Variants in S100PBP observed in about 807,000 individuals in gnomAD.
S100PBP encodes S100P-binding protein.
In S100PBP, 15 loss-of-function variants were observed where a neutral mutation model predicts 39.9. The ratio of observed to expected loss-of-function variants is 0.38; its 90% CI spans 0.25 to 0.58. S100PBP has a LOEUF of 0.58. Ranked by LOEUF, S100PBP falls within the 20% of genes least tolerant of loss-of-function variation. The probability of loss-of-function intolerance (pLI) is 0.70; values close to 1 mark genes in which losing one functional copy is unlikely to be tolerated. For missense variants in S100PBP, 504 were observed against 487.3 expected, an observed-to-expected ratio of 1.03 and a Z score of -0.32; for synonymous variants, 178 against 180.3, an observed-to-expected ratio of 0.99 and a Z score of 0.10.
At chr1:32,845,677 C>T (rs1640335374) in intron 5 of S100PBP, among the ~76,000 whole-genome samples, 1 of 149,968 alleles carries the variant, frequency 6.7e-6, no homozygotes, top group East Asian at 1.9e-4. Context: ...GATATGTTTT[C>T]ATTTTCTTTT....
chr1:32,823,818 TATACCTTGATTTGTTGGAAA>T (rs1223940394), intron 1 of S100PBP, among the ~76,000 whole-genome samples: 1 of 152,248 alleles, frequency 6.6e-6, no homozygotes, highest in African/African-American at 2.4e-5. Context: ...GGGCAGGAGC[TATACCTTGATTTGTTGGAAA>T]TCATAAAGAG....
In S100PBP at chr1:32,828,977, G is replaced by A. The variant is rs1490671295; in HGVS notation, c.920+896G>A. ...AGATCATGCCACTGCACACCAGCCT[G>A]GGAGACTGACCTTGTATAAAAAATA... On this transcript the variant is annotated intron_variant, in intron 4 of 6. Coordinates refer to ENST00000373475, the MANE Select transcript of S100PBP (RefSeq NM_022753.4). Among the ~76,000 whole-genome samples, 3 of 152,150 alleles carry A rather than the reference G, an allele frequency of 2.0e-5. No individual in the cohort carries two copies. The East Asian group carries it at 5.8e-4, about 29-fold the overall frequency.
chr1:32,823,348 A>T (rs1557480951), intron 1 of S100PBP, among the ~76,000 whole-genome samples: 1 of 152,262 alleles, frequency 6.6e-6, no homozygotes, highest in Non-Finnish European at 1.5e-5. Context: ...CTTCCTAAAG[A>T]AATGAATAAC....
chr1:32,839,455 C>T lies in S100PBP; in HGVS notation c.1024+9388C>T, dbSNP rs148343850. 2.6e-5 allele frequency among the ~76,000 whole-genome samples: 4 copies of T among 152,290 alleles called. No individual in the cohort carries two copies. In the East Asian group the frequency reaches 5.8e-4, roughly 22 times the overall value. Reference sequence around the variant, plus strand: ...GTTATGCATATGCATCTACACGTATCTTTTTGAGACCCTGCTTGCAATTCT... The same window carrying T: ...GTTATGCATATGCATCTACACGTATTTTTTTGAGACCCTGCTTGCAATTCT... On this transcript the variant is annotated intron_variant, in intron 5 of 6. Transcript: ENST00000373475.
At chr1:32,852,025 G>A (rs1640631182) in intron 5 of S100PBP, among the ~76,000 whole-genome samples, 3 of 152,092 alleles carry the variant, frequency 2.0e-5, no homozygotes, top group Admixed American at 2.0e-4. Flanking sequence ...GTTGAATCCT[G>A]GGTCATCAAG....
chr1:32,829,001 T>G (rs1432171394), intron 4 of S100PBP, among the ~76,000 whole-genome samples: 4 of 152,124 alleles, frequency 2.6e-5, no homozygotes, highest in Non-Finnish European at 5.9e-5. Context: ...GTATAAAAAA[T>G]AAAATAAAAA....
chr1:32,831,980 A>C (rs983768664), intron 5 of S100PBP, among the ~76,000 whole-genome samples: 1 of 152,206 alleles, frequency 6.6e-6, no homozygotes, highest in Non-Finnish European at 1.5e-5. Flanking sequence ...CAGTATTACC[A>C]CAACAATCTA....
Position 32,826,937 on chromosome 1 carries a change from A to G in S100PBP, c.831+7A>G, listed in dbSNP as rs777830737. 9.8e-6 allele frequency: 15 copies of G among 1,535,056 alleles called. No individual in the cohort carries two copies. The highest frequency in any genetic ancestry group is 1.2e-5 in the South Asian group (1 of 82,174). On this transcript the variant is annotated splice_region_variant and intron_variant, in intron 3 of 6. Coordinates refer to ENST00000373475, the MANE Select transcript of S100PBP (RefSeq NM_022753.4). Reference sequence around the variant, plus strand: ...TTCCACCTCATCAAACAAAGTAAGTATATTTTATTCAAGGTGAAGAGAAAA... The same window carrying G: ...TTCCACCTCATCAAACAAAGTAAGTGTATTTTATTCAAGGTGAAGAGAAAA...
chr1:32,833,252 G>A (rs1010485856), intron 5 of S100PBP, among the ~76,000 whole-genome samples: 5 of 152,096 alleles, frequency 3.3e-5, no homozygotes, highest in African/African-American at 7.2e-5. Context: ...TTGTTAGAAC[G>A]TTATTCCTTA....
chr1:32,836,441 GT>G, intron 5 of S100PBP: 1 of 712,790 alleles, frequency 1.4e-6, no homozygotes. Flanking sequence ...TTGTGTTTTT[GT>G]TTTTGTTTGT....
At chr1:32,824,682 C>A (rs1248375511) in intron 1 of S100PBP, among the ~76,000 whole-genome samples, 2 of 151,874 alleles carry the variant, frequency 1.3e-5, no homozygotes, top group African/African-American at 4.8e-5. Context: ...CTCACCTCAG[C>A]CCCATGAGTA....
At chr1:32,819,448 C>T (rs1638940762) in intron 1 of S100PBP, among the ~76,000 whole-genome samples, 1 of 152,096 alleles carries the variant, frequency 6.6e-6, no homozygotes, top group Non-Finnish European at 1.5e-5. Flanking sequence ...GCCTGTAATC[C>T]CAGCTACTGG....
intron 5 of S100PBP, among the ~76,000 whole-genome samples, chr1:32,838,818 G>T (rs558776707): frequency 6.6e-6 from 1 of 151,604 alleles, no homozygotes; most frequent in Non-Finnish European, 1.5e-5. Context: ...ACTTCAGCCT[G>T]GGTGACAAGA....
At chr1:32,845,550 T>C (rs1334489586) in intron 5 of S100PBP, among the ~76,000 whole-genome samples, 2 of 151,842 alleles carry the variant, frequency 1.3e-5, no homozygotes, top group South Asian at 2.1e-4. Flanking sequence ...TGGCCTTGTT[T>C]TCTAGCTTTT....
chr1:32,817,126 C>G, upstream of S100PBP: 1 of 1,606,048 alleles, frequency 6.2e-7, no homozygotes. Flanking sequence ...TAATGGGGCT[C>G]AAAATCACTG....
At chr1:32,839,104 G>A (rs947676961) in intron 5 of S100PBP, among the ~76,000 whole-genome samples, 2 of 152,042 alleles carry the variant, frequency 1.3e-5, no homozygotes, top group Non-Finnish European at 2.9e-5. Context: ...CAAATCCATA[G>A]CTCTATACCC....
rs1028250936 is a variant in S100PBP, at chr1:32,821,417, G to C, written c.-120+3728G>C. On this transcript the variant is annotated intron_variant, in intron 1 of 6. Transcript: ENST00000373475. ...GCTCACTGCAACCTCTGCCTCCTGG[G>C]TTCAAACAGTTCCCCTGCCTCAGCC... Among the ~76,000 whole-genome samples, 4 of 152,000 alleles carry C rather than the reference G, an allele frequency of 2.6e-5. No individual in the cohort carries two copies. The East Asian group carries it at 7.7e-4, about 29-fold the overall frequency.
chr1:32,826,941 T>G lies in S100PBP; in HGVS notation c.831+11T>G. On this transcript the variant is annotated intron_variant, in intron 3 of 6. Transcript: ENST00000373475. Reference sequence around the variant, plus strand: ...ACCTCATCAAACAAAGTAAGTATATTTTATTCAAGGTGAAGAGAAAAATGA... The same window carrying G: ...ACCTCATCAAACAAAGTAAGTATATGTTATTCAAGGTGAAGAGAAAAATGA... The G allele has an allele frequency of 6.6e-7, 1 of 1,520,492 alleles. No individual in the cohort carries two copies. The highest frequency in any genetic ancestry group is 8.9e-7 in the Non-Finnish European group (1 of 1,123,788). 94.2% of individuals were successfully genotyped at this position (1,520,492 alleles called of 1,614,324 possible).
intron 5 of S100PBP, among the ~76,000 whole-genome samples, chr1:32,844,398 T>C (rs1640261947): frequency 6.6e-6 from 1 of 152,142 alleles, no homozygotes; most frequent in Non-Finnish European, 1.5e-5. Flanking sequence ...CGGTGGCTCA[T>C]GCCTGTAATC....
Sources: gnomAD v4.1 joint callset for allele counts (sites outside exome capture counted in the v4.1 genomes callset) on GRCh38, gnomAD v4.1.1 for gene constraint, MANE v1.5 for transcripts, NCBI Gene and HGNC (gene_info 2026-07-23, HGNC 2026-07-21) for gene names.